SUGCT: variants seen among roughly 807,000 people sequenced by gnomAD.
SUGCT encodes the protein succinyl-CoA:glutarate CoA-transferase.
A neutral mutation model predicts 55.0 loss-of-function variants in SUGCT; 41 were observed. That is an observed-to-expected ratio of 0.74 (90% CI 0.58 to 0.97). The LOEUF (loss-of-function observed/expected upper bound fraction) is 0.97. Among genes scored for constraint, SUGCT ranks in the 50% least tolerant of loss-of-function variants. The pLI, the probability that SUGCT is intolerant of heterozygous loss-of-function variation, is 0.00. For missense variants in SUGCT, 568 were observed against 547.8 expected (o/e 1.04, Z -0.37); for synonymous variants, 187 against 200.4 (o/e 0.93, Z 0.56).
intron 6 of SUGCT, 22 bp from the exon 7 acceptor site, chr7:40,237,613 A>G (rs1789098833): frequency 6.3e-7 from 1 of 1,595,596 alleles, no homozygotes; most frequent in Non-Finnish European, 8.6e-7. Flanking sequence ...GGTGCTGAAT[A>G]TGTTTATTTT....
At chr7:40,137,373 T>A (rs1787753712) in intron 1 of SUGCT, among the ~76,000 whole-genome samples, 1 of 152,160 alleles carries the variant, frequency 6.6e-6, no homozygotes, top group East Asian at 1.9e-4. Context: ...CATTCCTCTC[T>A]CCTGCCTTGG....
At chr7:40,509,594 C>T (rs1250378197) in intron 12 of SUGCT, among the ~76,000 whole-genome samples, 4 of 151,968 alleles carry the variant, frequency 2.6e-5, no homozygotes, top group Admixed American at 6.6e-5. Context: ...GTTTTTTTTA[C>T]ATTCTCTCTG....
chr7:40,830,292 T>C (rs972262370), intron 13 of SUGCT, among the ~76,000 whole-genome samples: 2 of 152,176 alleles, frequency 1.3e-5, no homozygotes, highest in African/African-American at 4.8e-5. Flanking sequence ...CTTGAGTACC[T>C]AGAAGTTAGG....
chr7:40,403,535 C>G lies in SUGCT; in HGVS notation c.817-45752C>G, dbSNP rs371530273. 7.7e-4 allele frequency among the ~76,000 whole-genome samples: 117 copies of G among 152,216 alleles called. No individual in the cohort carries two copies. The Middle Eastern group carries it at 0.017, about 22-fold the overall frequency. On this transcript the variant is annotated intron_variant, in intron 9 of 13. Transcript: ENST00000335693. ...GGGAATAAGAACTATCTTTTTAACT[C>G]TCAGTATGTTGGGTAAAAAGAGAAA...
the SUGCT span, among the ~76,000 whole-genome samples, chr7:41,002,594 A>T: frequency 1.4e-5 from 2 of 145,954 alleles, no homozygotes; most frequent in African/African-American, 5.6e-5. Flanking sequence ...AGATTTAACA[A>T]TATGAAATTT....
chr7:40,474,112 C>T (rs577142348), intron 11 of SUGCT, among the ~76,000 whole-genome samples: 7 of 152,054 alleles, frequency 4.6e-5, no homozygotes, highest in African/African-American at 1.7e-4. Flanking sequence ...TCAGGGATAC[C>T]CATGTTATGC....
chr7:40,999,003 A>G, the SUGCT span, among the ~76,000 whole-genome samples: 2 of 152,228 alleles, frequency 1.3e-5, no homozygotes, highest in Non-Finnish European at 2.9e-5. Flanking sequence ...GTGTAAATAT[A>G]TACCCAATGC....
At chr7:40,888,252 A>C in the SUGCT span, among the ~76,000 whole-genome samples, 1 of 152,158 alleles carries the variant, frequency 6.6e-6, no homozygotes, top group Non-Finnish European at 1.5e-5. Flanking sequence ...CTCTGCTTCC[A>C]ACATGGACTT....
intron 13 of SUGCT, among the ~76,000 whole-genome samples, chr7:40,772,565 GTGTTATCTATCTGCTATCTATC>G (rs1294080783): frequency 1.7e-4 from 20 of 118,926 alleles, no homozygotes; most frequent in African/African-American, 4.9e-4. Context: ...TATCTATCTG[GTGTTATCTATCTGCTATCTATC>G]TATCTATCTA....
intron 7 of SUGCT, among the ~76,000 whole-genome samples, chr7:40,257,816 G>C (rs1790914466): frequency 6.6e-6 from 1 of 152,178 alleles, no homozygotes; most frequent in African/African-American, 2.4e-5. Context: ...GGAGGTTGTA[G>C]TGAGCCGAGA....
At chr7:40,621,216 G>T (rs771692950) in intron 12 of SUGCT, among the ~76,000 whole-genome samples, 3 of 152,154 alleles carry the variant, frequency 2.0e-5, no homozygotes, top group African/African-American at 7.2e-5. Context: ...TGGGAAGTCA[G>T]AAATTGAAGA....
chr7:40,428,712 T>C (rs1306830818), intron 9 of SUGCT, among the ~76,000 whole-genome samples: 1 of 152,208 alleles, frequency 6.6e-6, no homozygotes, highest in Non-Finnish European at 1.5e-5. Flanking sequence ...TTTATTGTCA[T>C]GGTTGTTTTT....
intron 12 of SUGCT, among the ~76,000 whole-genome samples, chr7:40,567,285 G>T (rs891456585): frequency 6.6e-6 from 1 of 152,294 alleles, no homozygotes; most frequent in East Asian, 1.9e-4. Flanking sequence ...CTTTGACTAT[G>T]GTTTACATGT....
At chr7:40,282,941 C>T (rs1462635866) in intron 8 of SUGCT, among the ~76,000 whole-genome samples, 1 of 151,392 alleles carries the variant, frequency 6.6e-6, no homozygotes, top group Non-Finnish European at 1.5e-5. Context: ...GAGAATAAAA[C>T]ATAGGGAAAT....
chr7:40,242,935 T>TATATATATA (rs1562605220), intron 7 of SUGCT, among the ~76,000 whole-genome samples: 3 of 23,850 alleles, frequency 1.3e-4, no homozygotes, highest in African/African-American at 2.1e-4. Context: ...ATATATATAT[T>TATATATATA]TTTTTTTTTT....
intron 11 of SUGCT, among the ~76,000 whole-genome samples, chr7:40,478,300 C>G (rs1213397462): frequency 2.0e-5 from 3 of 152,182 alleles, no homozygotes; most frequent in African/African-American, 7.2e-5. Flanking sequence ...GCCACCATGT[C>G]TGGCCTCCTA....
At chr7:40,248,841 A>G (rs1298674896) in intron 7 of SUGCT, among the ~76,000 whole-genome samples, 1 of 152,098 alleles carries the variant, frequency 6.6e-6, no homozygotes, top group African/African-American at 2.4e-5. Context: ...ATATCTATGC[A>G]AATAAACAAG....
the SUGCT span, chr7:40,964,588 C>T: frequency 1.3e-5 from 2 of 152,180 alleles, no homozygotes; most frequent in Admixed American, 6.5e-5. Flanking sequence ...CTGAGTGAGA[C>T]GATGCTTTGC....
At chr7:40,439,432 G>A (rs183064148) in intron 9 of SUGCT, among the ~76,000 whole-genome samples, 13 of 151,640 alleles carry the variant, frequency 8.6e-5, no homozygotes, top group Admixed American at 2.0e-4. Flanking sequence ...ACATTCTGGC[G>A]GATTTTCCTA....
Sources: allele counts gnomAD v4.1 joint callset (sites outside exome capture counted in the v4.1 genomes callset), GRCh38; gene constraint gnomAD v4.1.1; transcripts MANE v1.5; gene names NCBI Gene and HGNC (gene_info 2026-07-23, HGNC 2026-07-21).